HGF: variants seen among roughly 807,000 people sequenced by gnomAD.
HGF encodes the protein hepatocyte growth factor, also known as fibroblast-derived tumor cytotoxic factor.
A neutral mutation model predicts 111.6 loss-of-function variants in HGF; 39 were observed. That is an observed-to-expected ratio of 0.35 (90% CI 0.27 to 0.46). The LOEUF is 0.46. Among genes scored for constraint, HGF ranks in the 20% least tolerant of loss-of-function variants. The probability of loss-of-function intolerance (pLI) is 1.00; values close to 1 mark genes in which losing one functional copy is unlikely to be tolerated. For synonymous variants in HGF, 285 were observed against 294.8 expected, an observed-to-expected ratio of 0.97 and a Z score of 0.34; for missense variants, 735 against 910.5, an observed-to-expected ratio of 0.81 and a Z score of 2.48.
At chr7:81,743,330 C>T (rs2116020331) in intron 7 of HGF, 23 bp downstream of exon 7, 1 of 1,315,384 alleles carries the variant, frequency 7.6e-7, no homozygotes, top group Non-Finnish European at 1.1e-6. Context: ...GAAAAGGAAG[C>T]AATAAATTTG....
chr7:81,715,138 C>T (rs1039845299), intron 11 of HGF, among the ~76,000 whole-genome samples: 1 of 152,010 alleles, frequency 6.6e-6, no homozygotes, highest in African/African-American at 2.4e-5. Context: ...TCACTCTTAA[C>T]CATGCATATG....
At chr7:81,718,992 G>A (rs1278567457) in intron 10 of HGF, among the ~76,000 whole-genome samples, 1 of 151,848 alleles carries the variant, frequency 6.6e-6, no homozygotes, top group Non-Finnish European at 1.5e-5. Flanking sequence ...TTAATCCTCA[G>A]GATAAAATTT....
At chr7:81,722,797 G>C (rs1380580671) in intron 9 of HGF, among the ~76,000 whole-genome samples, 2 of 109,078 alleles carry the variant, frequency 1.8e-5, no homozygotes, top group Non-Finnish European at 1.7e-5. Context: ...CTGGGCGACA[G>C]AGCGAGATTC....
intron 7 of HGF, among the ~76,000 whole-genome samples, chr7:81,738,656 C>T (rs1264260259): frequency 6.6e-6 from 1 of 152,132 alleles, no homozygotes; most frequent in Non-Finnish European, 1.5e-5. Context: ...ATTTGTAGTT[C>T]AGCTTTTGAA....
intron 4 of HGF, among the ~76,000 whole-genome samples, chr7:81,754,937 T>A (rs1157725654): frequency 1.3e-5 from 2 of 152,256 alleles, no homozygotes; most frequent in Non-Finnish European, 2.9e-5. Context: ...TTCTCTGTCC[T>A]TGCTGTTGGC....
chr7:81,723,433 G>A (rs1348806503), intron 9 of HGF, among the ~76,000 whole-genome samples: 4 of 151,914 alleles, frequency 2.6e-5, no homozygotes, highest in Non-Finnish European at 5.9e-5. Flanking sequence ...AGAAAATCCA[G>A]ATGATTTTTG....
intron 1 of HGF, 140 bp from the exon 2 acceptor site, chr7:81,763,012 G>C (rs1272536916): frequency 3.2e-6 from 2 of 628,742 alleles, no homozygotes; most frequent in South Asian, 1.9e-5. Context: ...GTTAGGAGCA[G>C]AGTGAGGTAG....
At chr7:81,715,038 T>G (rs986772030) in intron 11 of HGF, among the ~76,000 whole-genome samples, 3 of 152,134 alleles carry the variant, frequency 2.0e-5, no homozygotes, top group Admixed American at 6.6e-5. Context: ...TGAAAAAATT[T>G]TTTGAAAACT....
At chr7:81,753,214 C>CT (rs1788590174) in intron 4 of HGF, among the ~76,000 whole-genome samples, 1 of 152,108 alleles carries the variant, frequency 6.6e-6, no homozygotes, top group South Asian at 2.1e-4. Context: ...AAGGCCAAGT[C>CT]TTTTTTATAC....
At chr7:81,730,530 A>T (rs980812166) in intron 7 of HGF, among the ~76,000 whole-genome samples, 3 of 152,206 alleles carry the variant, frequency 2.0e-5, no homozygotes, top group African/African-American at 7.2e-5. Flanking sequence ...TGTTGACAAT[A>T]AAGAAAAAAT....
At chr7:81,729,962 T>A (rs1319648248) in intron 7 of HGF, among the ~76,000 whole-genome samples, 183 bp from the exon 8 acceptor site, 18 of 152,192 alleles carry the variant, frequency 1.2e-4, no homozygotes, top group Admixed American at 1.2e-3. Context: ...ATTCCAATTT[T>A]CCTTTCATTC....
At chr7:81,714,296 T>C (rs1213635347) in intron 11 of HGF, among the ~76,000 whole-genome samples, 1 of 152,136 alleles carries the variant, frequency 6.6e-6, no homozygotes, top group African/African-American at 2.4e-5. Flanking sequence ...TTTATAAACA[T>C]AGTATGTTAT....
intron 5 of HGF, chr7:81,751,192 A>T: frequency 1.1e-6 from 1 of 904,546 alleles, no homozygotes; most frequent in South Asian, 5.1e-5. Context: ...AACAGGTAAG[A>T]TATCTTAGTA....
intron 5 of HGF, chr7:81,751,734 A>C (rs1167482273): frequency 9.6e-7 from 1 of 1,040,936 alleles, no homozygotes; most frequent in Non-Finnish European, 1.2e-6. Flanking sequence ...CTGTGGAAGC[A>C]GGTGCTGGTT....
chr7:81,712,727 C>T (rs907463046), intron 11 of HGF, among the ~76,000 whole-genome samples: 2 of 152,078 alleles, frequency 1.3e-5, no homozygotes, highest in African/African-American at 4.8e-5. Flanking sequence ...GTTGTCAATC[C>T]CTGGAAATGC....
intron 7 of HGF, among the ~76,000 whole-genome samples, chr7:81,731,292 T>A (rs1359825446): frequency 6.6e-6 from 1 of 152,200 alleles, no homozygotes; most frequent in Non-Finnish European, 1.5e-5. Context: ...AAAAAGTGTT[T>A]CAATGTTTTG....
chr7:81,700,613 A>T lies in HGF; in HGVS notation c.*1968T>A, dbSNP rs1047685078. On this transcript the variant is annotated 3_prime_UTR_variant, in exon 18 of 18. Coordinates refer to ENST00000222390, the MANE Select transcript of HGF (RefSeq NM_000601.6). ...ATAATAAAATTTCACTGGTTCAGCC[A>T]GAAGAAACTATGAAATATACTTTAT... is the stretch of plus-strand genomic sequence containing the variant. 6.6e-6 allele frequency: 1 copy of T among 151,658 alleles called. No homozygotes were observed. The highest frequency in any genetic ancestry group is 1.5e-5 in the Non-Finnish European group (1 of 67,690). The allele number at this position is 151,658 out of a possible 1,614,324, so 9.4% of individuals were successfully genotyped here. A position where few individuals can be genotyped will look rare whatever the true frequency, so the allele number is the denominator to read the frequency against.
intron 13 of HGF, 43 bp from the exon 14 acceptor site, chr7:81,707,407 A>T: frequency 8.8e-7 from 1 of 1,141,392 alleles, no homozygotes; most frequent in Non-Finnish European, 1.3e-6. Flanking sequence ...TCTGTGCAGA[A>T]AGAGTGACTG....
intron 7 of HGF, among the ~76,000 whole-genome samples, chr7:81,730,689 C>CTCTG (rs1787623136): frequency 6.6e-6 from 1 of 151,980 alleles, no homozygotes; most frequent in Admixed American, 6.6e-5. Context: ...CTCTCTCTCT[C>CTCTG]TGTAATGTTT....
Sources: allele counts gnomAD v4.1 joint callset (sites outside exome capture counted in the v4.1 genomes callset), GRCh38; gene constraint gnomAD v4.1.1; transcripts MANE v1.5; gene names NCBI Gene and HGNC (gene_info 2026-07-23, HGNC 2026-07-21).